Variants in COL14A1 observed in about 807,000 individuals in gnomAD.
COL14A1 encodes the protein collagen type XIV alpha 1 chain, also known as collagen alpha-1(XIV) chain.
In COL14A1, 136 loss-of-function variants were observed where a neutral mutation model predicts 230.3. That is an observed-to-expected ratio of 0.59 (90% CI 0.51 to 0.68). COL14A1 has a LOEUF of 0.68. COL14A1 is among the 30% of genes least tolerant of loss of function. COL14A1 has a pLI of 0.00. For synonymous variants in COL14A1, 792 were observed against 784.1 expected (o/e 1.01, Z -0.17); for missense variants, 1,976 against 2,215.8 (o/e 0.89, Z 2.17).
intron 2 of COL14A1, among the ~76,000 whole-genome samples, chr8:120,150,670 A>G (rs1266167428): frequency 6.6e-6 from 1 of 152,118 alleles, no homozygotes; most frequent in African/African-American, 2.4e-5. Context: ...CAGTCATAGT[A>G]GACATTTGTT....
intron 1 of COL14A1, among the ~76,000 whole-genome samples, chr8:120,134,166 C>T (rs1476096322): frequency 6.6e-6 from 1 of 151,784 alleles, no homozygotes; most frequent in Non-Finnish European, 1.5e-5. Flanking sequence ...TAAAAAAGGT[C>T]GATCTACCTA....
intron 19 of COL14A1, among the ~76,000 whole-genome samples, chr8:120,236,120 G>A (rs540980550): frequency 4.9e-4 from 75 of 152,316 alleles, no homozygotes; most frequent in African/African-American, 1.7e-3. Flanking sequence ...TTCTGTAGAT[G>A]TCTATTAGGT....
At chr8:120,273,751 G>C (rs1819748584) in intron 26 of COL14A1, among the ~76,000 whole-genome samples, 1 of 150,288 alleles carries the variant, frequency 6.7e-6, no homozygotes, top group Non-Finnish European at 1.5e-5. Flanking sequence ...AATAAGCCCT[G>C]AGCAGACCAA....
At chr8:120,182,237 C>T (rs1005569171) in intron 5 of COL14A1, among the ~76,000 whole-genome samples, 6 of 152,132 alleles carry the variant, frequency 3.9e-5, no homozygotes, top group African/African-American at 1.4e-4. Context: ...CAATCAGATA[C>T]CTTACAGCTA....
At position 120,316,007 on chromosome 8, in the gene COL14A1, T is replaced by C; in HGVS notation, c.4659+10T>C. 6.2e-7 allele frequency: 1 copy of C among 1,613,990 alleles called. No individual in the cohort carries two copies. The highest frequency in any genetic ancestry group is 8.5e-7 in the Non-Finnish European group (1 of 1,179,934). ...CTCACCAGGCCAGAGGGTAAGGTCT[T>C]GCCCAAGGTTGGTTTTTAGCAAAGT... On this transcript the variant is annotated intron_variant, in intron 40 of 47. Coordinates refer to ENST00000297848, the MANE Select transcript of COL14A1 (RefSeq NM_021110.4).
intron 13 of COL14A1, among the ~76,000 whole-genome samples, chr8:120,215,119 C>T (rs541705955): frequency 1.3e-5 from 2 of 152,290 alleles, no homozygotes; most frequent in African/African-American, 4.8e-5. Context: ...CCTGTAGTGC[C>T]AGCACTTTGG....
chr8:120,277,771 G>A (rs1819899555), intron 26 of COL14A1: 1 of 157,546 alleles, frequency 6.3e-6, no homozygotes, highest in Admixed American at 6.4e-5. Context: ...GGGGAGAATA[G>A]AAGGAGGCTG....
intron 36 of COL14A1, among the ~76,000 whole-genome samples, chr8:120,303,974 T>C (rs1435346984): frequency 2.0e-5 from 3 of 152,032 alleles, no homozygotes; most frequent in Admixed American, 1.3e-4. Context: ...CTTGGGAGGG[T>C]GTATGTGTCC....
At chr8:120,193,332 G>A (rs1053924042) in intron 5 of COL14A1, among the ~76,000 whole-genome samples, 4 of 152,194 alleles carry the variant, frequency 2.6e-5, no homozygotes, top group African/African-American at 7.2e-5. Flanking sequence ...GTTTGCCTGC[G>A]TATCAGCAAC....
At chr8:120,200,711 CTATTTATATATATATA>C (rs1203747537) in intron 8 of COL14A1, among the ~76,000 whole-genome samples, 14 of 76,814 alleles carry the variant, frequency 1.8e-4, no homozygotes, top group African/African-American at 5.1e-4. Flanking sequence ...AAAAGTTTTC[CTATTTATATATATATA>C]TATATATATA....
At chr8:120,347,021 T>C (rs1822543128) in intron 45 of COL14A1, among the ~76,000 whole-genome samples, 1 of 152,178 alleles carries the variant, frequency 6.6e-6, no homozygotes, top group Non-Finnish European at 1.5e-5. Context: ...GCCTGGAATG[T>C]GGCCCCCTCT....
chr8:120,253,403 T>A (rs909290077), intron 22 of COL14A1, among the ~76,000 whole-genome samples: 2 of 152,190 alleles, frequency 1.3e-5, no homozygotes, highest in African/African-American at 4.8e-5. Flanking sequence ...TTCCTCTTTC[T>A]TCTCTCCCTT....
chr8:120,264,065 C>A (rs960011905), intron 24 of COL14A1, among the ~76,000 whole-genome samples: 2 of 152,078 alleles, frequency 1.3e-5, no homozygotes, highest in African/African-American at 4.8e-5. Context: ...TCCCTACAAT[C>A]CAATTTCAGG....
chr8:120,360,260 A>G (rs1823146182), intron 45 of COL14A1, among the ~76,000 whole-genome samples: 1 of 152,182 alleles, frequency 6.6e-6, no homozygotes. Flanking sequence ...GTTTTGTGGA[A>G]CCTGAAGCTT....
chr8:120,212,686 T>G lies in COL14A1; in HGVS notation c.1597+109T>G. The G allele has an allele frequency of 1.7e-6, 2 of 1,183,608 alleles. 1 individual carries two copies. The highest frequency in any genetic ancestry group is 3.1e-5 in the South Asian group (2 of 64,608). The allele number at this position is 1,183,608 out of a possible 1,614,324, so 73.3% of individuals were successfully genotyped here. On this transcript the variant is annotated intron_variant, in intron 13 of 47. Transcript: ENST00000297848. ...GTTGAAACCTCTTAAAAGCTAATTATAATTTTAAAAATCTCATGTTCTATT... is the reference window on the plus strand; with the variant it reads ...GTTGAAACCTCTTAAAAGCTAATTAGAATTTTAAAAATCTCATGTTCTATT...
At chr8:120,187,789 C>A (rs1816693452) in intron 5 of COL14A1, among the ~76,000 whole-genome samples, 1 of 152,206 alleles carries the variant, frequency 6.6e-6, no homozygotes, top group Admixed American at 6.5e-5. Context: ...GCAAGCCCTG[C>A]AGAGACACTG....
intron 45 of COL14A1, among the ~76,000 whole-genome samples, chr8:120,351,211 C>T (rs1422552854): frequency 4.9e-4 from 69 of 139,856 alleles, no homozygotes; most frequent in African/African-American, 1.6e-3. Context: ...CACAACATAC[C>T]AGAATCTCTG....
chr8:120,310,045 G>A lies in COL14A1; in HGVS notation c.4438G>A (p.Gly1480Ser). The A allele has an allele frequency of 6.2e-7, 1 of 1,613,422 alleles. No individual in the cohort carries two copies. Among genetic ancestry groups the A allele is most frequent in the Non-Finnish European group, 8.5e-7 (1 of 1,179,506 alleles). Reference protein sequence around the residue: ...PGLRGPKGQQGEPGPKGPDGP... With the variant: ...PGLRGPKGQQSEPGPKGPDGP... ...ACTCCGAGGACCAAAGGGCCAGCAAGGTGAACCGGGTCCAAAGGTAATGCG... is the reference window on the plus strand; with the variant it reads ...ACTCCGAGGACCAAAGGGCCAGCAAAGTGAACCGGGTCCAAAGGTAATGCG... Residue 1480 changes from glycine to serine, a missense_variant, in exon 37 of 48, where the codon GGT becomes AGT. Transcript: ENST00000297848.
At chr8:120,302,182 G>A (rs529978189) in intron 36 of COL14A1, among the ~76,000 whole-genome samples, 4 of 152,084 alleles carry the variant, frequency 2.6e-5, no homozygotes, top group Non-Finnish European at 5.9e-5. Context: ...CCATTCTGTA[G>A]GTTGTCTGTT....
Sources: allele counts gnomAD v4.1 joint callset (sites outside exome capture counted in the v4.1 genomes callset), GRCh38; gene constraint gnomAD v4.1.1; transcripts MANE v1.5; gene names NCBI Gene and HGNC (gene_info 2026-07-23, HGNC 2026-07-21).